Variants in STAG2 observed in about 807,000 individuals in gnomAD.
STAG2 encodes STAG2 cohesin complex component, also known as cohesin subunit SA-2.
A neutral mutation model predicts 108.1 loss-of-function variants in STAG2; 14 were observed. The observed-to-expected ratio is 0.13, with a 90% CI of 0.09 to 0.20. The LOEUF is 0.20. Among genes scored for constraint, STAG2 ranks in the 10% least tolerant of loss-of-function variants. STAG2 has a pLI of 1.00. For synonymous variants in STAG2, 307 were observed against 302.7 expected (o/e 1.01, Z -0.15); for missense variants, 440 against 940.9 (o/e 0.47, Z 6.96).
chrX:123,974,216 C>G lies in STAG2; in HGVS notation c.-163+12360C>G, dbSNP rs1178345095. On this transcript the variant is annotated intron_variant, in intron 1 of 34. Transcript: ENST00000371145. ...AAACAAAGTTAAAAGAGCCCATGAT[C>G]ATCTTTTCTTTTCTTTTTTCTTTTT... Among the ~76,000 whole-genome samples, 4 of 108,212 alleles carry G rather than the reference C, an allele frequency of 3.7e-5. No individual in the cohort carries two copies. In the East Asian group the frequency reaches 1.2e-3, roughly 32 times the overall value. The allele number at this position is 108,212 out of a possible 115,157, so 94.0% of individuals were successfully genotyped here.
At chrX:124,078,675 C>T (rs1043614958) in intron 27 of STAG2, among the ~76,000 whole-genome samples, 1 of 110,936 alleles carries the variant, frequency 9.0e-6, no homozygotes, top group African/African-American at 3.3e-5. Context: ...ATAACTAAAA[C>T]ACAATAGTTT....
chrX:124,093,144 G>A (rs1366676502), intron 32 of STAG2, among the ~76,000 whole-genome samples: 1 of 111,557 alleles, frequency 9.0e-6, no homozygotes, highest in African/African-American at 3.3e-5. Context: ...ACTTTATGCT[G>A]ATCTGGGCTA....
chrX:124,029,828 C>T (rs1222298006), intron 4 of STAG2, among the ~76,000 whole-genome samples: 1 of 111,434 alleles, frequency 9.0e-6, no homozygotes, highest in African/African-American at 3.3e-5. Context: ...TAATTCAACC[C>T]TGGCATTTGA....
chrX:123,960,954 T>G (rs1486896581), upstream of STAG2: 1 of 111,770 alleles, frequency 8.9e-6, no homozygotes, highest in Non-Finnish European at 1.9e-5. Context: ...TGTGTATGAT[T>G]GAAACAGGGC....
intron 1 of STAG2, among the ~76,000 whole-genome samples, chrX:123,988,179 G>T (rs1178160223): frequency 9.0e-6 from 1 of 111,661 alleles, no homozygotes; most frequent in Non-Finnish European, 1.9e-5. Context: ...ACAGTCAGGG[G>T]TTCCACCTAG....
intron 5 of STAG2, among the ~76,000 whole-genome samples, chrX:124,032,566 A>G (rs1437974725): frequency 9.0e-6 from 1 of 110,898 alleles, no homozygotes; most frequent in Admixed American, 9.6e-5. Context: ...GGTAGTATCC[A>G]GTGGGTAGTT....
In STAG2 at chrX:124,100,894, AAAAAC is replaced by A. The variant is rs1379134913; in HGVS notation, c.*302_*306del. 89 of 220,184 alleles carry A rather than the reference AAAAAC, an allele frequency of 4.0e-4. No individual in the cohort carries two copies. The highest frequency in any genetic ancestry group is 2.1e-3 in the African/African-American group (72 of 34,092). 18.1% of individuals were successfully genotyped at this position (220,184 alleles called of 1,213,427 possible). A position where few individuals can be genotyped will look rare whatever the true frequency, so the allele number is the denominator to read the frequency against. The stretch of plus-strand genomic sequence containing the variant: ...TTCATGCTTTTTTTTAAAAAAAAAA[AAAAAC>A]AAAATAACAATCTGAAGAGGCATTT... On this transcript the variant is annotated 3_prime_UTR_variant, in exon 35 of 35. Coordinates refer to ENST00000371145, the MANE Select transcript of STAG2 (RefSeq NM_001042750.2).
chrX:124,002,475 G>A (rs1046385769), intron 1 of STAG2, among the ~76,000 whole-genome samples: 15 of 111,557 alleles, frequency 1.3e-4, no homozygotes, highest in African/African-American at 4.6e-4. Flanking sequence ...CTTTCCTGTA[G>A]ATACGTTAGT....
At chrX:123,973,561 T>A (rs866514061) in intron 1 of STAG2, among the ~76,000 whole-genome samples, 600 of 55,775 alleles carry the variant, frequency 0.011, 11 homozygotes, top group East Asian at 0.04. Context: ...AAAAAAAAAA[T>A]AGACTGGGCG....
chrX:123,980,106 GTAA>G (rs1255313444), intron 1 of STAG2, among the ~76,000 whole-genome samples: 1 of 111,944 alleles, frequency 8.9e-6, no homozygotes, highest in Non-Finnish European at 1.9e-5. Context: ...GAACATAGTA[GTAA>G]TAATATTTTA....
intron 3 of STAG2, among the ~76,000 whole-genome samples, chrX:124,025,506 A>C (rs908842222): frequency 1.8e-5 from 2 of 111,350 alleles, no homozygotes; most frequent in Non-Finnish European, 3.8e-5. Context: ...TCTTTGAAGT[A>C]GGAAATGGAA....
At chrX:124,043,168 C>T (rs2057773393) in intron 7 of STAG2, among the ~76,000 whole-genome samples, 1 of 104,721 alleles carries the variant, frequency 9.5e-6, no homozygotes, top group Admixed American at 1.0e-4. Context: ...AAGTCTCACT[C>T]TGTCGCCCAG....
chrX:123,987,695 A>T lies in STAG2; in HGVS notation c.-163+25839A>T, dbSNP rs192213009. Among the ~76,000 whole-genome samples the T allele has an allele frequency of 5.1e-3, 574 of 112,417 alleles. 1 individual carries two copies. Among genetic ancestry groups the T allele is most frequent in the Middle Eastern group, 9.2e-3 (2 of 218 alleles). On this transcript the variant is annotated intron_variant, in intron 1 of 34. Coordinates refer to ENST00000371145, the MANE Select transcript of STAG2 (RefSeq NM_001042750.2). ...ATTGTAGAGATGCATCTTGTCTTTAATCAAGAGCCCTAAAGTAAATCTACT... is the reference window on the plus strand; with the variant it reads ...ATTGTAGAGATGCATCTTGTCTTTATTCAAGAGCCCTAAAGTAAATCTACT...
chrX:124,063,029 AAT>A, intron 18 of STAG2, 35 bp downstream of exon 18: 1 of 1,185,896 alleles, frequency 8.4e-7, no homozygotes, highest in African/African-American at 1.7e-5. Flanking sequence ...GTTACTAAGA[AAT>A]GAGTTTTTTT....
At chrX:124,010,715 G>GA (rs754625477) in intron 1 of STAG2, among the ~76,000 whole-genome samples, 7 of 111,040 alleles carry the variant, frequency 6.3e-5, no homozygotes, top group African/African-American at 2.3e-4. Context: ...TGTTGATGAG[G>GA]AAAAAAATTG....
chrX:124,081,689 A>G lies in STAG2; in HGVS notation c.2924+161A>G, dbSNP rs192735538. Among the ~76,000 whole-genome samples, 131 of 112,515 alleles carry G rather than the reference A, an allele frequency of 1.2e-3. 1 individual carries two copies. The highest frequency in any genetic ancestry group is 4.1e-3 in the African/African-American group (126 of 31,036). ...CTTTCTTAATTTTAAAGAACCAGTT[A>G]CAGTGCTATCTCAATTAACAAATGA... is the stretch of plus-strand genomic sequence containing the variant. On this transcript the variant is annotated intron_variant, in intron 28 of 34. Transcript: ENST00000371145.
chrX:123,993,365 G>A (rs1043865225), intron 1 of STAG2, among the ~76,000 whole-genome samples: 3 of 111,595 alleles, frequency 2.7e-5, no homozygotes, highest in African/African-American at 9.8e-5. Flanking sequence ...TATATGGAAT[G>A]AACTTCCTGG....
At chrX:123,982,438 G>A (rs190048157) in intron 1 of STAG2, among the ~76,000 whole-genome samples, 1 of 111,658 alleles carries the variant, frequency 9.0e-6, no homozygotes, top group Non-Finnish European at 1.9e-5. Flanking sequence ...ATCGTGGCAC[G>A]ATCTTGGCTC....
chrX:124,006,632 G>A (rs1026439907), intron 1 of STAG2, among the ~76,000 whole-genome samples: 1 of 109,643 alleles, frequency 9.1e-6, no homozygotes, highest in Non-Finnish European at 1.9e-5. Context: ...GTAGAGACGG[G>A]GTTTCACTGT....
Sources: allele counts gnomAD v4.1 joint callset (sites outside exome capture counted in the v4.1 genomes callset), GRCh38; gene constraint gnomAD v4.1.1; transcripts MANE v1.5; gene names NCBI Gene and HGNC (gene_info 2026-07-23, HGNC 2026-07-21).